Variants in SEC61A2 observed in about 807,000 individuals in gnomAD.
SEC61A2 encodes SEC61 translocon subunit alpha 2.
Under a neutral mutation model 59.9 loss-of-function variants are expected in SEC61A2, and 28 were observed. The observed-to-expected ratio is 0.47, with a 90% CI of 0.35 to 0.64. SEC61A2 has a LOEUF of 0.64. Among genes scored for constraint, SEC61A2 ranks in the 30% least tolerant of loss-of-function variants. The pLI, the probability that SEC61A2 is intolerant of heterozygous loss-of-function variation, is 0.01. For synonymous variants in SEC61A2, 202 were observed against 214.4 expected (o/e 0.94, Z 0.50); for missense variants, 340 against 585.9 (o/e 0.58, Z 4.33).
rs1200951004 is a variant in SEC61A2 at position 12,153,713 on chromosome 10, A to G, written c.463-2065A>G. 1 of 1,609,494 alleles carries G rather than the reference A, an allele frequency of 6.2e-7. No homozygotes were observed. Among genetic ancestry groups the G allele is most frequent in the Non-Finnish European group, 8.5e-7 (1 of 1,178,724 alleles). Reference sequence around the variant, plus strand: ...GTGTCATGTTTGATTGTAGGTGGGCAGTGACCCATTGGTGTCTTTTCAAGG... The same window carrying G: ...GTGTCATGTTTGATTGTAGGTGGGCGGTGACCCATTGGTGTCTTTTCAAGG... On this transcript the variant is annotated intron_variant, in intron 6 of 11. Transcript: ENST00000298428. This position sits in a 1 kb window ranked among gnomAD's most constrained non-coding sequence, Gnocchi z 5.2.
rs574969824 is a variant in SEC61A2 at position 12,142,008 on chromosome 10, C to G, written c.142-1109C>G. Among the ~76,000 whole-genome samples the G allele has an allele frequency of 9.8e-5, 15 of 152,310 alleles. No individual in the cohort carries two copies. The South Asian group carries it at 2.9e-3, about 29-fold the overall frequency. ...ACAGGGAAAGGCCTGCATTCTTACT[C>G]CCAGACCCAGGGCTAATCTATCATA... On this transcript the variant is annotated intron_variant, in intron 3 of 11. Transcript: ENST00000298428. The surrounding 1 kb of genome is among the most constrained non-coding windows in gnomAD (Gnocchi z 5.4).
At chr10:12,159,718 G>A (rs1298406853) in intron 9 of SEC61A2, among the ~76,000 whole-genome samples, 7 of 152,090 alleles carry the variant, frequency 4.6e-5, no homozygotes, top group African/African-American at 1.7e-4. Flanking sequence ...AAAGACTAAT[G>A]TCCTTTATTC....
At position 12,149,217 on chromosome 10, in the gene SEC61A2, G is replaced by A. The variant is rs1834221590; in HGVS notation, c.221-378G>A. On this transcript the variant is annotated intron_variant, in intron 4 of 11. Transcript: ENST00000298428. This position sits in a 1 kb window ranked among gnomAD's most constrained non-coding sequence, Gnocchi z 5.2. ...CGATTCTCCTGCCTCAGACTCCTGA[G>A]TAGCTGGGATTACAGGTGCCCGCCA... 6.6e-6 allele frequency among the ~76,000 whole-genome samples: 1 copy of A among 151,964 alleles called. No homozygotes were observed. Among genetic ancestry groups the A allele is most frequent in the Admixed American group, 6.6e-5 (1 of 15,232 alleles).
Position 12,149,279 on chromosome 10 carries a change from G to A in SEC61A2, c.221-316G>A, listed in dbSNP as rs762424932. 3.3e-5 allele frequency among the ~76,000 whole-genome samples: 5 copies of A among 151,888 alleles called. No homozygotes were observed. The highest frequency in any genetic ancestry group is 6.6e-5 in the Admixed American group (1 of 15,222). On this transcript the variant is annotated intron_variant, in intron 4 of 11. Transcript: ENST00000298428. This position sits in a 1 kb window ranked among gnomAD's most constrained non-coding sequence, Gnocchi z 5.2. The stretch of plus-strand genomic sequence containing the variant: ...TAATTTTTGCATTTTTAGTAGAGAC[G>A]GGGTTTCTCCATGTTGTCCCGTTGG...
At chr10:12,151,747 G>T (rs1003447512) in intron 6 of SEC61A2, among the ~76,000 whole-genome samples, 9 of 152,032 alleles carry the variant, frequency 5.9e-5, no homozygotes, top group Admixed American at 5.9e-4. Context: ...GAGCATTCTG[G>T]TTTTTTTGTT....
Position 12,149,505 on chromosome 10 carries a change from C to A in SEC61A2, c.221-90C>A. The A allele has an allele frequency of 7.9e-7, 1 of 1,264,796 alleles. No individual in the cohort carries two copies. Among genetic ancestry groups the A allele is most frequent in the Non-Finnish European group, 1.1e-6 (1 of 918,702 alleles). The allele number at this position is 1,264,796 out of a possible 1,614,324, so 78.3% of individuals were successfully genotyped here. A position where few individuals can be genotyped will look rare whatever the true frequency, so the allele number is the denominator to read the frequency against. On this transcript the variant is annotated intron_variant, in intron 4 of 11. Transcript: ENST00000298428. This position sits in a 1 kb window ranked among gnomAD's most constrained non-coding sequence, Gnocchi z 5.2. ...CTTGTTAAAATTTTCACGTGTGTTTCAGTTGAGGTAATTAGGGAGTGCGAC... is the reference window on the plus strand; with the variant it reads ...CTTGTTAAAATTTTCACGTGTGTTTAAGTTGAGGTAATTAGGGAGTGCGAC...
chr10:12,149,150 C>T lies in SEC61A2; in HGVS notation c.221-445C>T, dbSNP rs532952277. On this transcript the variant is annotated intron_variant, in intron 4 of 11. Coordinates refer to ENST00000298428, the MANE Select transcript of SEC61A2 (RefSeq NM_018144.4). The surrounding 1 kb of genome is among the most constrained non-coding windows in gnomAD (Gnocchi z 5.2). Reference sequence around the variant, plus strand: ...TGTTGCCCGGGCTGGAGTGCAGTGGCGCAATCTCGGCTTACTGCAACCTCT... The same window carrying T: ...TGTTGCCCGGGCTGGAGTGCAGTGGTGCAATCTCGGCTTACTGCAACCTCT... Among the ~76,000 whole-genome samples the T allele has an allele frequency of 7.2e-4, 109 of 152,048 alleles. No individual in the cohort carries two copies. In the Middle Eastern group the frequency reaches 0.014, roughly 19 times the overall value.
In SEC61A2 at chr10:12,164,487, G is replaced by A; in HGVS notation, c.*33G>A. 6.2e-7 allele frequency: 1 copy of A among 1,600,882 alleles called. No individual in the cohort carries two copies. The highest frequency in any genetic ancestry group is 8.5e-7 in the Non-Finnish European group (1 of 1,172,768). ...AATATTTCATTTTGTGCGTGTGAAA[G>A]GGAAAACACTTTGACGGATCGTTTT... On this transcript the variant is annotated 3_prime_UTR_variant, in exon 12 of 12. Transcript: ENST00000298428. The surrounding 1 kb of genome is among the most constrained non-coding windows in gnomAD (Gnocchi z 7.3).
At chr10:12,159,922 A>G (rs2131680247) in intron 9 of SEC61A2, among the ~76,000 whole-genome samples, 1 of 152,298 alleles carries the variant, frequency 6.6e-6, no homozygotes, top group Admixed American at 6.5e-5. Context: ...TTTTAAGATA[A>G]TAAGACAGTA....
In SEC61A2 at chr10:12,149,742, A is replaced by C. The variant is rs181229581; in HGVS notation, c.352+16A>C. The C allele has an allele frequency of 6.2e-6, 10 of 1,606,926 alleles. No homozygotes were observed. Among genetic ancestry groups the C allele is most frequent in the African/African-American group, 1.3e-5 (1 of 74,610 alleles). Reference sequence around the variant, plus strand: ...GCCCAGAAACGTGAGCATTAATGCAATTAAAGAGCATTCTCCAAATTTGAG... The same window carrying C: ...GCCCAGAAACGTGAGCATTAATGCACTTAAAGAGCATTCTCCAAATTTGAG... On this transcript the variant is annotated intron_variant, in intron 5 of 11. Transcript: ENST00000298428. The surrounding 1 kb of genome is among the most constrained non-coding windows in gnomAD (Gnocchi z 5.2).
chr10:12,137,045 C>T (rs896712806), intron 3 of SEC61A2, among the ~76,000 whole-genome samples: 3 of 151,982 alleles, frequency 2.0e-5, no homozygotes, highest in Admixed American at 1.3e-4. Flanking sequence ...GGATTACAGG[C>T]GTGAGCCACC....
downstream of SEC61A2, among the ~76,000 whole-genome samples, chr10:12,168,405 G>A (rs4747967): frequency 0.42 from 63,691 of 152,010 alleles, 13,378 homozygotes; most frequent in East Asian, 0.53. The surrounding 1 kb of genome is among the most constrained non-coding windows in gnomAD (Gnocchi z 4.8). Context: ...CTGGGGTAGG[G>A]CTTTGCTTTT....
Position 12,162,115 on chromosome 10 carries a change from T to C in SEC61A2, c.1168-98T>C, listed in dbSNP as rs1417900038. 1 of 885,994 alleles carries C rather than the reference T, an allele frequency of 1.1e-6. No individual in the cohort carries two copies. The highest frequency in any genetic ancestry group is 1.9e-6 in the Non-Finnish European group (1 of 535,240). 54.9% of individuals were successfully genotyped at this position (885,994 alleles called of 1,614,324 possible). On this transcript the variant is annotated intron_variant, in intron 10 of 11. Coordinates refer to ENST00000298428, the MANE Select transcript of SEC61A2 (RefSeq NM_018144.4). The surrounding 1 kb of genome is among the most constrained non-coding windows in gnomAD (Gnocchi z 6.1). ...ATGCAACTTTCAGGTTATTGTATGT[T>C]ACGTGTTAGTGTGTGGCGAGCACTT...
At position 12,156,771 on chromosome 10, in the gene SEC61A2, T is replaced by C; in HGVS notation, c.617-136T>C. On this transcript the variant is annotated intron_variant, in intron 7 of 11. Transcript: ENST00000298428. The surrounding 1 kb of genome is among the most constrained non-coding windows in gnomAD (Gnocchi z 5.2). ...TTTGTAGAACCTGCTCACATGGCTA[T>C]ATCATAAAGCAAACATTGGCGAATT... is the stretch of plus-strand genomic sequence containing the variant. 1.3e-6 allele frequency: 1 copy of C among 742,556 alleles called. No homozygotes were observed. 46.0% of individuals were successfully genotyped at this position (742,556 alleles called of 1,614,324 possible). A position where few individuals can be genotyped will look rare whatever the true frequency, so the allele number is the denominator to read the frequency against.
chr10:12,146,269 TG>T (rs1834135121), intron 4 of SEC61A2, among the ~76,000 whole-genome samples: 1 of 152,136 alleles, frequency 6.6e-6, no homozygotes, highest in African/African-American at 2.4e-5. Context: ...CCACCCACCT[TG>T]GCCTCCCAAA....
intron 11 of SEC61A2, among the ~76,000 whole-genome samples, chr10:12,163,666 G>A (rs2131684933): frequency 6.6e-6 from 1 of 152,108 alleles, no homozygotes; most frequent in Non-Finnish European, 1.5e-5. Context: ...TGTTGTCCCA[G>A]CATCATTTGT....
At chr10:12,135,508 A>C (rs1204503441) in intron 2 of SEC61A2, among the ~76,000 whole-genome samples, 1 of 152,224 alleles carries the variant, frequency 6.6e-6, no homozygotes, top group Non-Finnish European at 1.5e-5. Flanking sequence ...GTTTTGTTAC[A>C]TGAATGTATT....
In SEC61A2 at chr10:12,161,610, G is replaced by A. The variant is rs1464936023; in HGVS notation, c.1167+489G>A. 3.3e-5 allele frequency among the ~76,000 whole-genome samples: 5 copies of A among 151,970 alleles called. No homozygotes were observed. The highest frequency in any genetic ancestry group is 1.2e-4 in the African/African-American group (5 of 41,366). ...ACAAAAATTAGCTGGGCGTGGCAGC[G>A]CATGCCTGTAATCCCAGCCACTCAG... On this transcript the variant is annotated intron_variant, in intron 10 of 11. Transcript: ENST00000298428. The surrounding 1 kb of genome is among the most constrained non-coding windows in gnomAD (Gnocchi z 5.4).
At chr10:12,141,421 T>A (rs748542830) in intron 3 of SEC61A2, among the ~76,000 whole-genome samples, 17 of 152,214 alleles carry the variant, frequency 1.1e-4, no homozygotes, top group Non-Finnish European at 2.4e-4. Context: ...CTTTGTCTAA[T>A]CCCCACATGG....
Sources: allele counts gnomAD v4.1 joint callset (sites outside exome capture counted in the v4.1 genomes callset), GRCh38; gene constraint gnomAD v4.1.1; non-coding constraint Gnocchi (gnomAD v3.1); transcripts MANE v1.5; gene names NCBI Gene and HGNC (gene_info 2026-07-23, HGNC 2026-07-21).